MRPL1: variants seen among roughly 807,000 people sequenced by gnomAD.
MRPL1 encodes the protein large ribosomal subunit protein uL1m.
In MRPL1, 28 loss-of-function variants were observed where a neutral mutation model predicts 38.0. That is an observed-to-expected ratio of 0.74 (90% CI 0.55 to 1.01). The LOEUF is 1.01. Ranked by LOEUF, MRPL1 falls within the 50% of genes least tolerant of loss-of-function variation. The pLI is 0.00. For missense variants in MRPL1, 358 were observed against 389.8 expected (o/e 0.92, Z 0.69); for synonymous variants, 123 against 126.7 (o/e 0.97, Z 0.20).
intron 5 of MRPL1, among the ~76,000 whole-genome samples, chr4:77,888,999 G>C (rs1208031880): frequency 1.3e-5 from 2 of 151,980 alleles, no homozygotes; most frequent in Non-Finnish European, 2.9e-5. Context: ...TAGAGACCTA[G>C]AAAGAGACTT....
At chr4:77,895,273 TTAAGC>T (rs1284387832) in intron 6 of MRPL1, among the ~76,000 whole-genome samples, 2 of 152,124 alleles carry the variant, frequency 1.3e-5, no homozygotes, top group Non-Finnish European at 2.9e-5. Flanking sequence ...AATGTAATGT[TTAAGC>T]TAAGGTCTTC....
intron 5 of MRPL1, among the ~76,000 whole-genome samples, chr4:77,891,436 A>G (rs533011938): frequency 1.3e-5 from 2 of 151,312 alleles, no homozygotes; most frequent in African/African-American, 4.9e-5. Context: ...GCTCACTGCA[A>G]CCTCTGCCTC....
In MRPL1 at chr4:77,900,347, T is replaced by C. The variant is rs1176545496; in HGVS notation, c.670+6097T>C. On this transcript the variant is annotated intron_variant, in intron 6 of 8. Coordinates refer to ENST00000315567, the MANE Select transcript of MRPL1 (RefSeq NM_020236.4). ...TTTCTGTCTTTAAGAAGATAAACAC[T>C]GAGGAGAGAGAGATGAGAGCAAACT... is the stretch of plus-strand genomic sequence containing the variant. 2.6e-5 allele frequency among the ~76,000 whole-genome samples: 4 copies of C among 152,040 alleles called. No individual in the cohort carries two copies. The East Asian group carries it at 7.7e-4, about 29-fold the overall frequency.
intron 7 of MRPL1, among the ~76,000 whole-genome samples, chr4:77,932,186 G>A (rs569667971): frequency 5.3e-5 from 8 of 152,342 alleles, no homozygotes; most frequent in Admixed American, 1.3e-4. Flanking sequence ...GGCAGATAAA[G>A]GGGCTGCATT....
intron 5 of MRPL1, among the ~76,000 whole-genome samples, chr4:77,890,436 GC>G (rs1735780555): frequency 6.6e-6 from 1 of 152,094 alleles, no homozygotes; most frequent in Non-Finnish European, 1.5e-5. Flanking sequence ...AAATTCAACA[GC>G]CCTTCATGCT....
At chr4:77,940,583 A>G (rs1415122662) in intron 7 of MRPL1, among the ~76,000 whole-genome samples, 1 of 152,150 alleles carries the variant, frequency 6.6e-6, no homozygotes, top group Non-Finnish European at 1.5e-5. Context: ...GCAATGTCAA[A>G]TAGAAGTGGT....
intron 7 of MRPL1, among the ~76,000 whole-genome samples, chr4:77,946,987 T>G (rs1164205533): frequency 6.7e-6 from 1 of 150,006 alleles, no homozygotes; most frequent in Non-Finnish European, 1.5e-5. Context: ...TGAGATGAAT[T>G]ATGACATGTG....
At chr4:77,886,623 A>G (rs916267304) in intron 4 of MRPL1, among the ~76,000 whole-genome samples, 1 of 151,554 alleles carries the variant, frequency 6.6e-6, no homozygotes, top group Non-Finnish European at 1.5e-5. Flanking sequence ...GTGAGCCACC[A>G]TACCCAGCCT....
intron 8 of MRPL1, among the ~76,000 whole-genome samples, chr4:77,950,218 A>C (rs1737374929): frequency 6.6e-6 from 1 of 152,212 alleles, no homozygotes; most frequent in African/African-American, 2.4e-5. Context: ...TTCTAAAATG[A>C]TATTTTGAAA....
At chr4:77,886,201 G>A (rs1354913465) in intron 4 of MRPL1, among the ~76,000 whole-genome samples, 1 of 151,992 alleles carries the variant, frequency 6.6e-6, no homozygotes, top group Non-Finnish European at 1.5e-5. Flanking sequence ...CAGGGTCTTG[G>A]TCTGTTGTCC....
Position 77,952,698 on chromosome 4 carries a change from A to T in MRPL1, c.*91A>T, listed in dbSNP as rs553346425. ...TAATTTTTACATTTGATGTCTTGTTATTGATCATACTTGAAAGTGAACTTT... is the reference window on the plus strand; with the variant it reads ...TAATTTTTACATTTGATGTCTTGTTTTTGATCATACTTGAAAGTGAACTTT... On this transcript the variant is annotated 3_prime_UTR_variant, in exon 9 of 9. Transcript: ENST00000315567. 1.9e-3 allele frequency: 1,476 copies of T among 769,322 alleles called. 1 individual carries two copies. Among genetic ancestry groups the T allele is most frequent in the Non-Finnish European group, 2.7e-3 (1,276 of 470,178 alleles). The allele number at this position is 769,322 out of a possible 1,614,324, so 47.7% of individuals were successfully genotyped here.
chr4:77,867,478 C>T (rs1052253484), intron 1 of MRPL1, among the ~76,000 whole-genome samples: 5 of 152,236 alleles, frequency 3.3e-5, no homozygotes, highest in Non-Finnish European at 7.3e-5. Context: ...ATATACATTT[C>T]CTGCCCATGA....
At chr4:77,952,120 T>TA (rs1321557759) in intron 8 of MRPL1, among the ~76,000 whole-genome samples, 1 of 152,240 alleles carries the variant, frequency 6.6e-6, no homozygotes, top group East Asian at 1.9e-4. Flanking sequence ...TGCAAACACT[T>TA]AGTCTTTGAT....
intron 5 of MRPL1, 22 bp from the exon 6 acceptor site, chr4:77,894,117 C>G (rs757311701): frequency 1.1e-5 from 15 of 1,364,990 alleles, no homozygotes; most frequent in Non-Finnish European, 1.3e-5. Context: ...TCTGAGGTCA[C>G]CTTTTTTTTT....
chr4:77,863,187 A>T (rs1735043390), intron 1 of MRPL1, among the ~76,000 whole-genome samples: 1 of 151,996 alleles, frequency 6.6e-6, no homozygotes, highest in Non-Finnish European at 1.5e-5. Flanking sequence ...CGGGTAGTGG[A>T]GTGTGATAAG....
chr4:77,932,323 CCT>C (rs1560473436), intron 7 of MRPL1, among the ~76,000 whole-genome samples: 1 of 152,144 alleles, frequency 6.6e-6, no homozygotes, highest in Non-Finnish European at 1.5e-5. Context: ...TGCATGATCA[CCT>C]CTCTCAGCTT....
chr4:77,868,873 C>T (rs761463050), intron 1 of MRPL1, among the ~76,000 whole-genome samples: 5 of 152,084 alleles, frequency 3.3e-5, no homozygotes, highest in Admixed American at 1.3e-4. Flanking sequence ...AGTAGTAGCT[C>T]GTGGAGTACC....
chr4:77,951,045 T>C (rs1737396824), intron 8 of MRPL1, among the ~76,000 whole-genome samples: 1 of 152,158 alleles, frequency 6.6e-6, no homozygotes, highest in Admixed American at 6.6e-5. Context: ...AATTTTTGTA[T>C]TTTTAGTAGC....
intron 5 of MRPL1, among the ~76,000 whole-genome samples, chr4:77,892,402 G>A (rs1735828087): frequency 6.6e-6 from 1 of 152,104 alleles, no homozygotes; most frequent in Admixed American, 6.5e-5. Flanking sequence ...CCAAAGTGCT[G>A]AGATTACAGG....
Sources: gnomAD v4.1 joint callset for allele counts (sites outside exome capture counted in the v4.1 genomes callset) on GRCh38, gnomAD v4.1.1 for gene constraint, MANE v1.5 for transcripts, NCBI Gene and HGNC (gene_info 2026-07-23, HGNC 2026-07-21) for gene names.